The following MCPH1 variants were observed in gnomAD, a reference collection of about 807,000 sequenced individuals.
MCPH1 encodes microcephalin.
A neutral mutation model predicts 84.5 loss-of-function variants in MCPH1; 104 were observed. The observed-to-expected ratio is 1.23, with a 90% CI of 1.05 to 1.45. MCPH1 has a LOEUF of 1.45. Ranked by LOEUF, MCPH1 falls within the 40% of genes most tolerant of loss-of-function variation. The pLI is 0.00. For synonymous variants in MCPH1, 514 were observed against 366.8 expected (o/e 1.40, Z -4.58); for missense variants, 1,498 against 1,005.7 (o/e 1.49, Z -6.62).
chr8:6,412,910 G>A (rs745754403), intron 2 of MCPH1, among the ~76,000 whole-genome samples: 1 of 152,152 alleles, frequency 6.6e-6, no homozygotes, highest in African/African-American at 2.4e-5. Flanking sequence ...TGAAAAGAAA[G>A]AGAAACCAGC....
rs1825489292 is a variant in MCPH1, at chr8:6,561,235, T to C, written c.2215-60219T>C. On this transcript the variant is annotated intron_variant, in intron 12 of 13. Coordinates refer to ENST00000344683, the MANE Select transcript of MCPH1 (RefSeq NM_024596.5). ...AAAGGAGGGAAACTTACTGGAGCGC[T>C]TAGCCAGGAGCTTAAAAAGACATTG... Among the ~76,000 whole-genome samples the C allele has an allele frequency of 2.6e-5, 4 of 152,240 alleles. No individual in the cohort carries two copies. In the South Asian group the frequency reaches 8.3e-4, roughly 32 times the overall value.
rs763175941 is a variant in MCPH1, at chr8:6,445,425, C to G, written c.1703C>G (p.Ser568Cys). The G allele has an allele frequency of 6.2e-7, 1 of 1,614,206 alleles. No individual in the cohort carries two copies. The highest frequency in any genetic ancestry group is 1.7e-5 in the Admixed American group (1 of 60,032). Residue 568 changes from serine (S) to cysteine (C), a missense_variant, in exon 8 of 14, where the codon TCC becomes TGC. Transcript: ENST00000344683. ...LKSTQNKGTT[S>C]KISNSSEGEA... ...AGCACACAGAACAAAGGTACCACTTCCAAAATATCAAACTCCTCTGAAGGC... is the reference window on the plus strand; with the variant it reads ...AGCACACAGAACAAAGGTACCACTTGCAAAATATCAAACTCCTCTGAAGGC...
At chr8:6,490,914 T>C (rs1000106739) in intron 11 of MCPH1, among the ~76,000 whole-genome samples, 1 of 149,148 alleles carries the variant, frequency 6.7e-6, no homozygotes, top group East Asian at 2.0e-4. Context: ...CCTAAGTTAA[T>C]AATTTAACAA....
chr8:6,437,258 G>C (rs555413663), intron 5 of MCPH1, among the ~76,000 whole-genome samples: 2 of 151,826 alleles, frequency 1.3e-5, no homozygotes, highest in Non-Finnish European at 2.9e-5. Context: ...TTGAGATGGA[G>C]TCTTTCTCCA....
At chr8:6,428,853 A>T (rs1214179384) in intron 3 of MCPH1, among the ~76,000 whole-genome samples, 1 of 152,234 alleles carries the variant, frequency 6.6e-6, no homozygotes, top group African/African-American at 2.4e-5. Flanking sequence ...TGTTCCCCAG[A>T]GGCAGCTCCT....
intron 11 of MCPH1, among the ~76,000 whole-genome samples, chr8:6,497,430 G>A (rs1811362232): frequency 1.3e-5 from 2 of 152,120 alleles, no homozygotes; most frequent in South Asian, 4.2e-4. Flanking sequence ...TTGAACCTGG[G>A]AGACGATGCT....
chr8:6,486,505 G>A (rs777965894), intron 11 of MCPH1, among the ~76,000 whole-genome samples: 3 of 152,118 alleles, frequency 2.0e-5, no homozygotes, highest in Non-Finnish European at 4.4e-5. Context: ...AGAATTAGAT[G>A]GTTGTATGTG....
At position 6,647,694 on chromosome 8, in the gene MCPH1, C is replaced by G. The variant is rs1304302191; in HGVS notation, c.*4645C>G. The G allele has an allele frequency of 2.0e-5, 3 of 152,134 alleles. No individual in the cohort carries two copies. The highest frequency in any genetic ancestry group is 7.2e-5 in the African/African-American group (3 of 41,408). 9.4% of individuals were successfully genotyped at this position (152,134 alleles called of 1,614,324 possible). ...AAATTGTAAGATTCCATTTAGATAC[C>G]ATTTCTACAAACCGCAAAACTGTAG... On this transcript the variant is annotated 3_prime_UTR_variant, in exon 14 of 14. Coordinates refer to ENST00000344683, the MANE Select transcript of MCPH1 (RefSeq NM_024596.5).
At chr8:6,516,003 C>T (rs1816198737) in intron 12 of MCPH1, among the ~76,000 whole-genome samples, 1 of 152,332 alleles carries the variant, frequency 6.6e-6, no homozygotes, top group South Asian at 2.1e-4. Flanking sequence ...GTCCCTGGAA[C>T]AGCCTGGTCT....
chr8:6,562,995 C>G (rs1825792199), intron 12 of MCPH1: 1 of 1,516,816 alleles, frequency 6.6e-7, no homozygotes, highest in East Asian at 2.3e-5. Flanking sequence ...CGTCCAGAGT[C>G]CCGAGCTGCT....
At chr8:6,575,881 A>G (rs1005260315) in intron 12 of MCPH1, among the ~76,000 whole-genome samples, 1 of 152,152 alleles carries the variant, frequency 6.6e-6, no homozygotes, top group African/African-American at 2.4e-5. Context: ...GTTAGCAGAG[A>G]GGCCTGGGAC....
chr8:6,411,205 C>G (rs900624122), intron 2 of MCPH1, among the ~76,000 whole-genome samples: 8 of 152,150 alleles, frequency 5.3e-5, no homozygotes, highest in South Asian at 2.1e-4. Flanking sequence ...GTGGTTGCAG[C>G]CTGTTTGAAC....
rs753231944 is a variant in MCPH1 at position 6,414,783 on chromosome 8, A to C, written c.133A>C (p.Lys45Gln). 16 of 1,613,904 alleles carry C rather than the reference A, an allele frequency of 9.9e-6. No homozygotes were observed. The South Asian group carries it at 1.8e-4, about 18-fold the overall frequency. The change falls in exon 3 of 14, where the codon AAA becomes CAA. Residue 45 changes from lysine to glutamine, a missense_variant. Transcript: ENST00000344683. Reference sequence around the variant, plus strand: ...TCTACAGGTTTCAAAAACTTTTAACAAACAAGTAACTCACGTTATCTTCAA... The same window carrying C: ...TCTACAGGTTTCAAAAACTTTTAACCAACAAGTAACTCACGTTATCTTCAA... ...MGAKVSKTFN[K>Q]QVTHVIFKDG...
chr8:6,436,424 G>A (rs1193453242), intron 5 of MCPH1, among the ~76,000 whole-genome samples: 1 of 152,178 alleles, frequency 6.6e-6, no homozygotes, highest in Non-Finnish European at 1.5e-5. Context: ...AATGATTTCA[G>A]AAGAAAAGCA....
At chr8:6,409,199 A>T (rs1563162994) in intron 1 of MCPH1, 80 bp from the exon 2 acceptor site, 1 of 1,243,262 alleles carries the variant, frequency 8.0e-7, no homozygotes. Context: ...TTTACTCTTA[A>T]ATGTAAATAG....
At chr8:6,636,247 GGGGAATCGCTTGAGCCT>G (rs1461769480) in intron 13 of MCPH1, among the ~76,000 whole-genome samples, 2 of 152,014 alleles carry the variant, frequency 1.3e-5, no homozygotes, top group Admixed American at 6.6e-5. Flanking sequence ...GGCTGAGGCA[GGGGAATCGCTTGAGCCT>G]GGGAGGTAGA....
intron 13 of MCPH1, among the ~76,000 whole-genome samples, chr8:6,624,013 C>T (rs1009218291): frequency 1.3e-5 from 2 of 152,238 alleles, no homozygotes; most frequent in South Asian, 4.1e-4. Flanking sequence ...CCTCTGCACT[C>T]GTGTTTCCAG....
chr8:6,613,770 A>G (rs1326883944), intron 12 of MCPH1, among the ~76,000 whole-genome samples: 2 of 152,072 alleles, frequency 1.3e-5, no homozygotes, highest in Non-Finnish European at 2.9e-5. Context: ...ACCCCCGTCT[A>G]GCAGCACGGG....
In MCPH1 at chr8:6,647,965, C is replaced by G. The variant is rs1001022728; in HGVS notation, c.*4916C>G. The G allele has an allele frequency of 6.6e-6, 1 of 152,122 alleles. No homozygotes were observed. The highest frequency in any genetic ancestry group is 2.4e-5 in the African/African-American group (1 of 41,428). The allele number at this position is 152,122 out of a possible 1,614,324, so 9.4% of individuals were successfully genotyped here. On this transcript the variant is annotated 3_prime_UTR_variant, in exon 14 of 14. Coordinates refer to ENST00000344683, the MANE Select transcript of MCPH1 (RefSeq NM_024596.5). ...AGAGAGAACGAGAGCTACATGGCAG[C>G]CCCAGGGCAATAGCTCTCAGATCTC...
Sources: gnomAD v4.1 joint callset for allele counts (sites outside exome capture counted in the v4.1 genomes callset) on GRCh38, gnomAD v4.1.1 for gene constraint, MANE v1.5 for transcripts, NCBI Gene and HGNC (gene_info 2026-07-23, HGNC 2026-07-21) for gene names.